SYT1: variants seen among roughly 807,000 people sequenced by gnomAD.
The protein encoded by SYT1 is synaptotagmin-1.
Under a neutral mutation model 44.8 loss-of-function variants are expected in SYT1, and 8 were observed. That is an observed-to-expected ratio of 0.18 (90% CI 0.10 to 0.32). The LOEUF (loss-of-function observed/expected upper bound fraction) is 0.32, where lower values mean the gene tolerates loss of function less well. SYT1 is among the 10% of genes least tolerant of loss of function. The probability of loss-of-function intolerance (pLI) is 1.00; values close to 1 mark genes in which losing one functional copy is unlikely to be tolerated. For missense variants in SYT1, 286 were observed against 509.3 expected, an observed-to-expected ratio of 0.56 and a Z score of 4.22; for synonymous variants, 154 against 188.8, an observed-to-expected ratio of 0.82 and a Z score of 1.51.
At chr12:78,915,126 G>A (rs1277167061) in intron 1 of SYT1, among the ~76,000 whole-genome samples, 2 of 152,002 alleles carry the variant, frequency 1.3e-5, no homozygotes, top group African/African-American at 4.8e-5. Context: ...TAGGAAGATT[G>A]AAGTAGTGGC....
At chr12:79,432,767 C>T (rs189330784) in intron 9 of SYT1, among the ~76,000 whole-genome samples, 493 of 152,232 alleles carry the variant, frequency 3.2e-3, no homozygotes, top group African/African-American at 0.011. Context: ...GCGTGTACAA[C>T]CACACCCGGC....
chr12:79,296,590 C>T lies in SYT1; in HGVS notation c.642+354C>T, dbSNP rs562130339. Among the ~76,000 whole-genome samples the T allele has an allele frequency of 8.5e-5, 13 of 152,260 alleles. No individual in the cohort carries two copies. In the South Asian group the frequency reaches 2.5e-3, roughly 29 times the overall value. On this transcript the variant is annotated intron_variant, in intron 7 of 10. Transcript: ENST00000261205. Reference sequence around the variant, plus strand: ...TGAAAATAAGTACATCTGTTACAATCCCAGGATTAAGTAAGCTGTGTCCCA... The same window carrying T: ...TGAAAATAAGTACATCTGTTACAATTCCAGGATTAAGTAAGCTGTGTCCCA...
intron 1 of SYT1, chr12:78,868,708 C>T (rs1409377409): frequency 6.6e-6 from 1 of 151,716 alleles, no homozygotes; most frequent in Non-Finnish European, 1.5e-5. Context: ...TACAAAGTAC[C>T]ATTTAAAGAA....
At chr12:79,382,977 A>G (rs1884287608) in intron 9 of SYT1, among the ~76,000 whole-genome samples, 1 of 152,196 alleles carries the variant, frequency 6.6e-6, no homozygotes, top group Non-Finnish European at 1.5e-5. Context: ...CATGTCTTCT[A>G]TGAATGCTCG....
chr12:79,284,107 T>A (rs1455896191), intron 4 of SYT1, among the ~76,000 whole-genome samples: 1 of 150,174 alleles, frequency 6.7e-6, no homozygotes, highest in Non-Finnish European at 1.5e-5. Context: ...CTTTTTTTTT[T>A]ATTACAACAG....
intron 3 of SYT1, among the ~76,000 whole-genome samples, chr12:79,197,818 G>A (rs1306459487): frequency 2.0e-5 from 3 of 152,102 alleles, no homozygotes; most frequent in African/African-American, 7.2e-5. Flanking sequence ...GTTCTAGAGT[G>A]ACTCAAATTT....
chr12:79,106,349 C>T lies in SYT1; in HGVS notation c.-18+58987C>T, dbSNP rs117089247. On this transcript the variant is annotated intron_variant, in intron 3 of 10. Transcript: ENST00000261205. ...TTATGAATGAGATAGGCGAGTGATC[C>T]ACATGGTCAAAGGAAAGCCAGAAGA... is the stretch of plus-strand genomic sequence containing the variant. Among the ~76,000 whole-genome samples the T allele has an allele frequency of 1.6e-4, 24 of 152,214 alleles. No individual in the cohort carries two copies. The East Asian group carries it at 4.6e-3, about 29-fold the overall frequency.
intron 1 of SYT1, among the ~76,000 whole-genome samples, chr12:78,920,580 CTAAA>C (rs1230438529): frequency 6.6e-6 from 1 of 151,922 alleles, no homozygotes; most frequent in African/African-American, 2.4e-5. Flanking sequence ...ACCAAGTTCT[CTAAA>C]TAAGCATTTT....
At chr12:78,876,674 T>A (rs559995193) in intron 1 of SYT1, among the ~76,000 whole-genome samples, 3 of 126,062 alleles carry the variant, frequency 2.4e-5, no homozygotes, top group Non-Finnish European at 4.9e-5. Flanking sequence ...CATGTGTACA[T>A]GTGTGTATAT....
In SYT1 at chr12:79,311,650, A is replaced by C. The variant is rs1880799061; in HGVS notation, c.810+12099A>C. On this transcript the variant is annotated intron_variant, in intron 8 of 10. Coordinates refer to ENST00000261205, the MANE Select transcript of SYT1 (RefSeq NM_005639.3). ...CCAACAATGATAGACTGGATTAAGA[A>C]AATGTGGCACATATACACCATGGAA... Among the ~76,000 whole-genome samples the C allele has an allele frequency of 2.2e-5, 3 of 137,642 alleles. 1 individual carries two copies. The highest frequency in any genetic ancestry group is 4.7e-5 in the Non-Finnish European group (3 of 64,098). 90.3% of individuals were successfully genotyped at this position (137,642 alleles called of 152,430 possible).
At chr12:79,313,603 CAA>C (rs58288822) in intron 8 of SYT1, among the ~76,000 whole-genome samples, 4,415 of 101,134 alleles carry the variant, frequency 0.044, 113 homozygotes, top group East Asian at 0.14. Flanking sequence ...TTTTAAAAAG[CAA>C]AAAAAAAAAA....
At chr12:79,165,245 A>C (rs1470252832) in intron 3 of SYT1, among the ~76,000 whole-genome samples, 4 of 152,024 alleles carry the variant, frequency 2.6e-5, no homozygotes, top group African/African-American at 7.2e-5. Context: ...TTTATGGCTG[A>C]AAATTATAAT....
At chr12:79,334,913 TAGG>T (rs970807610) in intron 8 of SYT1, among the ~76,000 whole-genome samples, 3 of 152,142 alleles carry the variant, frequency 2.0e-5, no homozygotes, top group Non-Finnish European at 4.4e-5. Context: ...TTGTAAATAT[TAGG>T]AGAGCCAGGA....
intron 8 of SYT1, among the ~76,000 whole-genome samples, chr12:79,300,226 A>T (rs1284726784): frequency 6.6e-6 from 1 of 152,144 alleles, no homozygotes; most frequent in Admixed American, 6.5e-5. Context: ...ATTGTATCTG[A>T]TTATGCGATG....
intron 9 of SYT1, among the ~76,000 whole-genome samples, chr12:79,434,020 A>G (rs1345665542): frequency 2.0e-5 from 3 of 152,234 alleles, no homozygotes; most frequent in South Asian, 2.1e-4. Context: ...CCATTTGCCA[A>G]TGTTGGAAAT....
chr12:79,313,603 C>CAA lies in SYT1; in HGVS notation c.810+14066_810+14067dup, dbSNP rs58288822. On this transcript the variant is annotated intron_variant, in intron 8 of 10. Transcript: ENST00000261205. ...TATGTTGAAATACAGTTTTAAAAAG[C>CAA]AAAAAAAAAAAAAAACAAAATAAAA... Among the ~76,000 whole-genome samples the CAA allele has an allele frequency of 1.8e-3, 186 of 101,168 alleles. 1 individual carries two copies. Among genetic ancestry groups the CAA allele is most frequent in the African/African-American group, 5.9e-3 (155 of 26,148 alleles). 66.4% of individuals were successfully genotyped at this position (101,168 alleles called of 152,430 possible).
intron 3 of SYT1, among the ~76,000 whole-genome samples, chr12:79,128,463 A>T (rs944589762): frequency 1.3e-5 from 2 of 152,220 alleles, no homozygotes; most frequent in Non-Finnish European, 2.9e-5. Context: ...GTAGATAGAA[A>T]GAACAAATCT....
At chr12:79,278,452 A>C (rs776639252) in intron 4 of SYT1, among the ~76,000 whole-genome samples, 2 of 152,094 alleles carry the variant, frequency 1.3e-5, no homozygotes. Context: ...AATTTTTAAA[A>C]ATTTTTGAAA....
At chr12:78,935,832 T>A (rs1019061176) in intron 1 of SYT1, among the ~76,000 whole-genome samples, 4 of 152,082 alleles carry the variant, frequency 2.6e-5, no homozygotes, top group Admixed American at 1.3e-4. Flanking sequence ...AACTAAAAAA[T>A]TTGTTGTAAA....
Sources: allele counts gnomAD v4.1 joint callset (sites outside exome capture counted in the v4.1 genomes callset), GRCh38; gene constraint gnomAD v4.1.1; transcripts MANE v1.5; gene names NCBI Gene and HGNC (gene_info 2026-07-23, HGNC 2026-07-21).